The following ARHGEF17 variants were observed in gnomAD, a reference collection of about 807,000 sequenced individuals.
ARHGEF17 encodes Rho guanine nucleotide exchange factor 17, also known as 164 kDa Rho-specific guanine-nucleotide exchange factor.
Under a neutral mutation model 174.0 loss-of-function variants are expected in ARHGEF17, and 80 were observed. That is an observed-to-expected ratio of 0.46 (90% CI 0.38 to 0.55). The LOEUF is 0.55. ARHGEF17 is among the 20% of genes least tolerant of loss of function. The pLI is 0.00. For synonymous variants in ARHGEF17, 1,311 were observed against 1,189.1 expected, an observed-to-expected ratio of 1.10 and a Z score of -2.11; for missense variants, 2,886 against 2,839.7, an observed-to-expected ratio of 1.02 and a Z score of -0.37.
At position 73,362,658 on chromosome 11, in the gene ARHGEF17, C is replaced by T. The variant is rs767115277; in HGVS notation, c.4920C>T (p.Asp1640=). 1 of 1,611,572 alleles carries T rather than the reference C, an allele frequency of 6.2e-7. No homozygotes were observed. The highest frequency in any genetic ancestry group is 1.1e-5 in the South Asian group (1 of 91,088). ...TGGTGCCCTTTGACAGTGACTCTGA[C>T]GATGAGTCTTCGCCCAGCCCCTCGG... ...PELVPFDSDS[D]DESSPSPSGT... The change falls in exon 14 of 21, where the codon GAC becomes GAT. Residue 1640 remains aspartate, a synonymous_variant. Transcript: ENST00000263674.
In ARHGEF17 at chr11:73,362,148, G is replaced by A. The variant is rs765401380; in HGVS notation, c.4603G>A (p.Ala1535Thr). Residue 1535 changes from alanine to threonine, a missense_variant, in exon 13 of 21, where the codon GCC becomes ACC. Transcript: ENST00000263674. ...VGQVCLLSLR[A>T]EPDVEACIAV... Reference sequence around the variant, plus strand: ...CCAGGTGTGCCTGCTGAGCCTGCGCGCCGAGCCGGACGTGGAGGCCTGCAT... The same window carrying A: ...CCAGGTGTGCCTGCTGAGCCTGCGCACCGAGCCGGACGTGGAGGCCTGCAT... 2.5e-6 allele frequency: 4 copies of A among 1,607,732 alleles called. No homozygotes were observed. The highest frequency in any genetic ancestry group is 2.2e-5 in the East Asian group (1 of 44,460).
In ARHGEF17 at chr11:73,309,472, C is replaced by G. The variant is rs763776581; in HGVS notation, c.834C>G (p.Asp278Glu). Residue 278 changes from aspartate (D) to glutamate (E), a missense_variant, in exon 1 of 21, where the codon GAC (aspartate) becomes GAG (glutamate). Around this residue, in one of 4 missense-constraint regions of ARHGEF17, gnomAD observed 1,728 missense variants for 1,461.2 expected, o/e 1.18. Coordinates refer to ENST00000263674, the MANE Select transcript of ARHGEF17 (RefSeq NM_014786.4). ...ACGGCGGCCACTCCTCGGGCAGTGA[C>G]GACGACCGAGACGGTGAGGGCGGCC... is the stretch of plus-strand genomic sequence containing the variant. ...AYHGGHSSGS[D>E]DDRDGEGGHR... 6.5e-7 allele frequency: 1 copy of G among 1,542,880 alleles called. No homozygotes were observed. Among genetic ancestry groups the G allele is most frequent in the Non-Finnish European group, 8.7e-7 (1 of 1,143,468 alleles).
rs1450743701 is a variant in ARHGEF17 at position 73,308,655 on chromosome 11, C to T, written c.17C>T (p.Pro6Leu). The change falls in exon 1 of 21, where the codon CCC (proline) becomes CTC (leucine). Residue 6 changes from proline (P) to leucine (L), a missense_variant. Physicochemically the swap from Pro to Leu is moderately conservative, Grantham distance 98 (BLOSUM62 -3). Around this residue, in one of 4 missense-constraint regions of ARHGEF17, gnomAD observed 1,728 missense variants for 1,461.2 expected, o/e 1.18. Coordinates refer to ENST00000263674, the MANE Select transcript of ARHGEF17 (RefSeq NM_014786.4). ...TACGCCACTATGGCGGACGGGGCAC[C>T]CCGGCCCCAGCTTTACCGCAGCGTC... MADGA[P>L]RPQLYRSVSF... 3.3e-6 allele frequency: 5 copies of T among 1,507,752 alleles called. No individual in the cohort carries two copies. In the South Asian group the frequency reaches 3.7e-5, roughly 11 times the overall value. 93.4% of individuals were successfully genotyped at this position (1,507,752 alleles called of 1,614,324 possible). A position where few individuals can be genotyped will look rare whatever the true frequency, so the allele number is the denominator to read the frequency against.
chr11:73,364,912 T>G, intron 18 of ARHGEF17: 1 of 354,984 alleles, frequency 2.8e-6, no homozygotes, highest in East Asian at 5.6e-5. Context: ...CAACATCCAT[T>G]AGCATTAGAC....
intron 18 of ARHGEF17, chr11:73,364,822 T>C: frequency 1.8e-6 from 1 of 556,736 alleles, no homozygotes; most frequent in East Asian, 3.3e-5. Context: ...TTAGGAATCT[T>C]ATTCATCCTC....
chr11:73,364,511 A>G lies in ARHGEF17; in HGVS notation c.5461A>G (p.Ile1821Val). 6.2e-7 allele frequency: 1 copy of G among 1,613,796 alleles called. No individual in the cohort carries two copies. Among genetic ancestry groups the G allele is most frequent in the Non-Finnish European group, 8.5e-7 (1 of 1,179,966 alleles). ...GACCTTGGGCACCCAGGGGAGCCCC[A>G]TCACCAAGATGGTATCTGTGGGTGG... The part of the protein sequence containing the change: ...SVTLGTQGSP[I>V]TKMVSVGGRL... Residue 1821 changes from isoleucine (I) to valine (V), a missense_variant, in exon 18 of 21, where the codon ATC becomes GTC. Physicochemically the swap from Ile to Val is conservative, Grantham distance 29. Coordinates refer to ENST00000263674, the MANE Select transcript of ARHGEF17 (RefSeq NM_014786.4).
chr11:73,318,758 G>A lies in ARHGEF17; in HGVS notation c.3192+6928G>A, dbSNP rs117431605. Among the ~76,000 whole-genome samples the A allele has an allele frequency of 4.9e-4, 75 of 152,374 alleles. 4 individuals are homozygous for A. The East Asian group carries it at 0.014, about 28-fold the overall frequency. ...GCACACCCGAGGTGGGAAGACCTGT[G>A]CTGATTGCAGAGGTCTAGGTGGTGT... On this transcript the variant is annotated intron_variant, in intron 1 of 20. Coordinates refer to ENST00000263674, the MANE Select transcript of ARHGEF17 (RefSeq NM_014786.4).
rs1220898959 is a variant in ARHGEF17 at position 73,362,733 on chromosome 11, C to T, written c.4995C>T (p.Gly1665=). The change falls in exon 14 of 21, where the codon GGC becomes GGT. Residue 1665 remains glycine, a splice_region_variant and synonymous_variant. Coordinates refer to ENST00000263674, the MANE Select transcript of ARHGEF17 (RefSeq NM_014786.4). ...GGTCCACCATCTCCTCCAGCTTTGG[C>T]AGTGAGCTTTGGCCATCTCCTCCAA... is the stretch of plus-strand genomic sequence containing the variant. ...ASRSTISSSF[G]NEETPSSKEA... 1.3e-6 allele frequency: 2 copies of T among 1,599,400 alleles called. No individual in the cohort carries two copies. The highest frequency in any genetic ancestry group is 2.2e-5 in the South Asian group (2 of 90,704).
chr11:73,322,855 G>C (rs1865037963), intron 1 of ARHGEF17, among the ~76,000 whole-genome samples: 1 of 152,184 alleles, frequency 6.6e-6, no homozygotes, highest in Non-Finnish European at 1.5e-5. Context: ...TCTGACATGA[G>C]GGTGCGGGAA....
chr11:73,353,878 T>C (rs1418414875), intron 3 of ARHGEF17, among the ~76,000 whole-genome samples: 1 of 152,260 alleles, frequency 6.6e-6, no homozygotes, highest in African/African-American at 2.4e-5. Flanking sequence ...TTAGTATTTA[T>C]AAGAATTTAA....
rs756180677 is a variant in ARHGEF17 at position 73,310,618 on chromosome 11, C to T, written c.1980C>T (p.Cys660=). Residue 660 remains cysteine, a synonymous_variant, in exon 1 of 21, where the codon TGC becomes TGT. Transcript: ENST00000263674. The stretch of plus-strand genomic sequence containing the variant: ...CTGAGCCTCCTGTTGCAGCATTTTG[C>T]GGCCTGGGTACCACAGGGATGTGGC... ...ADPEPPVAAF[C]GLGTTGMWRP... 3 of 1,614,128 alleles carry T rather than the reference C, an allele frequency of 1.9e-6. No homozygotes were observed. Among genetic ancestry groups the T allele is most frequent in the Middle Eastern group, 1.6e-4 (1 of 6,062 alleles).
At chr11:73,331,635 G>A (rs1444570420) in intron 1 of ARHGEF17, among the ~76,000 whole-genome samples, 3 of 152,138 alleles carry the variant, frequency 2.0e-5, no homozygotes, top group African/African-American at 7.2e-5. Context: ...GGGGTGCGGG[G>A]GGAGGAGGTC....
At chr11:73,336,515 T>C (rs150308665) in intron 1 of ARHGEF17, among the ~76,000 whole-genome samples, 61 of 152,326 alleles carry the variant, frequency 4.0e-4, no homozygotes, top group African/African-American at 1.4e-3. Flanking sequence ...GAATGAGGGC[T>C]ACCACCTCCA....
Position 73,309,844 on chromosome 11 carries a change from C to T in ARHGEF17, c.1206C>T (p.Asp402=). Residue 402 remains aspartate (D), a synonymous_variant, in exon 1 of 21, where the codon GAC becomes GAT. Coordinates refer to ENST00000263674, the MANE Select transcript of ARHGEF17 (RefSeq NM_014786.4). ...RYSSTETLKD[D]DLWSSRGSGG... The stretch of plus-strand genomic sequence containing the variant: ...CCAGCACGGAGACCCTCAAGGACGA[C>T]GACCTATGGTCTAGTAGGGGTTCTG... 1 of 1,613,220 alleles carries T rather than the reference C, an allele frequency of 6.2e-7. No individual in the cohort carries two copies. Among genetic ancestry groups the T allele is most frequent in the Non-Finnish European group, 8.5e-7 (1 of 1,180,024 alleles).
At chr11:73,356,915 G>A in intron 7 of ARHGEF17, 110 bp from the exon 8 acceptor site, 9 of 1,488,210 alleles carry the variant, frequency 6.0e-6, no homozygotes, top group Non-Finnish European at 8.4e-6. Flanking sequence ...GGAAGCTGGG[G>A]AAGAGCCCTC....
At chr11:73,317,543 A>G (rs924647525) in intron 1 of ARHGEF17, among the ~76,000 whole-genome samples, 13 of 152,196 alleles carry the variant, frequency 8.5e-5, no homozygotes, top group African/African-American at 3.1e-4. Context: ...GGGGGAGCCA[A>G]TGTTTCCCAG....
At position 73,311,235 on chromosome 11, in the gene ARHGEF17, T is replaced by C; in HGVS notation, c.2597T>C (p.Leu866Pro). The change falls in exon 1 of 21, where the codon CTT becomes CCT. Residue 866 changes from leucine (L) to proline (P), a missense_variant. By Grantham distance (98) the Leu-to-Pro change is moderately conservative. Transcript: ENST00000263674. ...MLPPSSSEPI[L>P]VEQRAEPEEP... ...CCTCCATCCAGCAGCGAGCCCATCC[T>C]TGTAGAGCAGCGGGCAGAGCCAGAA... 6.2e-7 allele frequency: 1 copy of C among 1,610,804 alleles called. No homozygotes were observed. The highest frequency in any genetic ancestry group is 8.5e-7 in the Non-Finnish European group (1 of 1,178,292).
In ARHGEF17 at chr11:73,311,683, C is replaced by A. The variant is rs748551846; in HGVS notation, c.3045C>A (p.His1015Gln). 1.2e-6 allele frequency: 2 copies of A among 1,613,454 alleles called. No individual in the cohort carries two copies. The highest frequency in any genetic ancestry group is 1.3e-5 in the African/African-American group (1 of 75,068). The change falls in exon 1 of 21, where the codon CAC becomes CAA. Residue 1015 changes from histidine to glutamine, a missense_variant. Around this residue, in one of 4 missense-constraint regions of ARHGEF17, gnomAD observed 1,728 missense variants for 1,461.2 expected, o/e 1.18. Coordinates refer to ENST00000263674, the MANE Select transcript of ARHGEF17 (RefSeq NM_014786.4). Reference protein sequence around the residue: ...DVTKQYMLNLHSGEVPAPVPV... With the variant: ...DVTKQYMLNLQSGEVPAPVPV... The stretch of plus-strand genomic sequence containing the variant: ...CCAAGCAGTACATGCTGAACCTGCA[C>A]TCCGGTGAGGTCCCTGCCCCAGTGC...
At chr11:73,364,708 A>G in intron 18 of ARHGEF17, 108 bp downstream of exon 18, 1 of 1,416,302 alleles carries the variant, frequency 7.1e-7, no homozygotes, top group Non-Finnish European at 9.3e-7. Context: ...GCAGAGGGCT[A>G]GGGCCTTCCT....
Sources: allele counts gnomAD v4.1 joint callset (sites outside exome capture counted in the v4.1 genomes callset), GRCh38; gene constraint gnomAD v4.1.1; regional missense constraint gnomAD v4.1.1; transcripts MANE v1.5; gene names NCBI Gene and HGNC (gene_info 2026-07-23, HGNC 2026-07-21).